Variants in ZC3H12D observed in about 807,000 individuals in gnomAD.
The protein encoded by ZC3H12D is zinc finger CCCH-type containing 12D.
In ZC3H12D, 11 loss-of-function variants were observed where a neutral mutation model predicts 24.2. The ratio of observed to expected loss-of-function variants is 0.46; its 90% CI spans 0.29 to 0.75. The LOEUF (loss-of-function observed/expected upper bound fraction) is 0.75. Among genes scored for constraint, ZC3H12D ranks in the 30% least tolerant of loss-of-function variants. The pLI is 0.11. For synonymous variants in ZC3H12D, 333 were observed against 341.8 expected (o/e 0.97, Z 0.28); for missense variants, 740 against 767.7 (o/e 0.96, Z 0.43).
intron 1 of ZC3H12D, among the ~76,000 whole-genome samples, chr6:149,475,791 G>A (rs1440517663): frequency 2.0e-5 from 3 of 151,152 alleles, no homozygotes; most frequent in Non-Finnish European, 4.4e-5. Context: ...ACCGGGGGTT[G>A]GGGGGTGGCC....
Position 149,474,293 on chromosome 6 carries a change from G to C in ZC3H12D, c.251C>G (p.Thr84Ser), listed in dbSNP as rs761167219. ...PGTALEEDFR[T>S]LASSLRPIVI... ...TATGGGTCGCAGAGAACTGGCCAGG[G>C]TTCTGAAGTCCTCTTCCAGGGCTGT... Residue 84 changes from threonine to serine, a missense_variant, in exon 2 of 6, where the codon ACC (threonine) becomes AGC (serine). Thr to Ser is a moderately conservative substitution (Grantham distance 58, BLOSUM62 1). Transcript: ENST00000409806. The C allele has an allele frequency of 6.4e-7, 1 of 1,570,804 alleles. No homozygotes were observed. Among genetic ancestry groups the C allele is most frequent in the East Asian group, 2.3e-5 (1 of 44,098 alleles).
At chr6:149,478,536 T>C (rs1776376917) in intron 1 of ZC3H12D, among the ~76,000 whole-genome samples, 1 of 152,204 alleles carries the variant, frequency 6.6e-6, no homozygotes, top group Admixed American at 6.5e-5. Flanking sequence ...TATCCAGCGA[T>C]AGATAGAATC....
chr6:149,456,637 C>CCCGGGGGGA lies in ZC3H12D; in HGVS notation c.680+28_680+29insTCCCCCCGG. ...CCCGGCCCCCCGCCCCGCCGCCCCC[C>CCCGGGGGGA]AGGGTGTCAGGACCCCAGCCGGACC... On this transcript the variant is annotated intron_variant, in intron 4 of 5. Transcript: ENST00000409806. This position sits in a 1 kb window ranked among gnomAD's most constrained non-coding sequence, Gnocchi z 4.3. 3 of 1,554,906 alleles carry CCCGGGGGGA rather than the reference C, an allele frequency of 1.9e-6. No individual in the cohort carries two copies. The highest frequency in any genetic ancestry group is 2.7e-6 in the Non-Finnish European group (3 of 1,130,046).
In ZC3H12D at chr6:149,447,190, C is replaced by A. The variant is rs237007; in HGVS notation, c.*3493G>T. The A allele has an allele frequency of 0.08, 12,157 of 152,258 alleles. 649 individuals are homozygous for A. The highest frequency in any genetic ancestry group is 0.11 in the East Asian group (581 of 5,164). The allele number at this position is 152,258 out of a possible 1,614,324, so 9.4% of individuals were successfully genotyped here. ...GCCCCTCACATCCCCCCAGGTGGAA[C>A]AACACAGAACTGCGGCTGCTGAGAC... On this transcript the variant is annotated 3_prime_UTR_variant, in exon 6 of 6. Coordinates refer to ENST00000409806, the MANE Select transcript of ZC3H12D (RefSeq NM_207360.3).
chr6:149,456,946 G>A lies in ZC3H12D; in HGVS notation c.446-46C>T. The A allele has an allele frequency of 4.5e-6, 7 of 1,560,310 alleles. No individual in the cohort carries two copies. The highest frequency in any genetic ancestry group is 6.1e-6 in the Non-Finnish European group (7 of 1,150,672). ...ACGCGGGTGAGGGCCCAAGGGCACC[G>A]CCCCTGAGAACCACCCCCAACGCGA... On this transcript the variant is annotated intron_variant, in intron 3 of 5. Coordinates refer to ENST00000409806, the MANE Select transcript of ZC3H12D (RefSeq NM_207360.3). This position sits in a 1 kb window ranked among gnomAD's most constrained non-coding sequence, Gnocchi z 4.3.
At chr6:149,457,974 GC>G (rs1776010690) in intron 3 of ZC3H12D, among the ~76,000 whole-genome samples, 1 of 151,970 alleles carries the variant, frequency 6.6e-6, no homozygotes, top group Admixed American at 6.5e-5. Flanking sequence ...AGTCCCCTCT[GC>G]CCCCTCAGTC....
At chr6:149,476,433 G>A (rs577037545) in intron 1 of ZC3H12D, among the ~76,000 whole-genome samples, 3 of 152,124 alleles carry the variant, frequency 2.0e-5, no homozygotes, top group African/African-American at 7.2e-5. Context: ...GAACCTGGGA[G>A]GCAGAGGCTG....
intron 1 of ZC3H12D, among the ~76,000 whole-genome samples, 197 bp from the exon 2 acceptor site, chr6:149,474,810 G>A (rs1776305891): frequency 6.6e-6 from 1 of 152,210 alleles, no homozygotes; most frequent in African/African-American, 2.4e-5. Flanking sequence ...TGAGCTCACT[G>A]AGGCCTTCAC....
At chr6:149,458,028 G>C (rs1287827176) in intron 3 of ZC3H12D, among the ~76,000 whole-genome samples, 11 of 145,242 alleles carry the variant, frequency 7.6e-5, no homozygotes, top group Non-Finnish European at 1.1e-4. Context: ...GACAACCCTA[G>C]TTTTAGAACT....
chr6:149,460,754 T>C (rs12190660), intron 3 of ZC3H12D, among the ~76,000 whole-genome samples: 54,975 of 151,196 alleles, frequency 0.36, 10,478 homozygotes, highest in African/African-American at 0.46. Flanking sequence ...CGCTTGAACC[T>C]GAGAGGCAGA....
At chr6:149,455,889 A>C (rs1182202432) in intron 4 of ZC3H12D, among the ~76,000 whole-genome samples, 1 of 151,596 alleles carries the variant, frequency 6.6e-6, no homozygotes, top group East Asian at 1.9e-4. Flanking sequence ...GCAATAGAGC[A>C]AGACCCTGTC....
At position 149,484,782 on chromosome 6, in the gene ZC3H12D, A is replaced by C. The variant is rs905675714; in HGVS notation, c.-71+31T>G. ...CTCAAGTCTGCGTGGTGTTGGCCACACTGACTGACAGCCAGGGGACATGCA... is the reference window on the plus strand; with the variant it reads ...CTCAAGTCTGCGTGGTGTTGGCCACCCTGACTGACAGCCAGGGGACATGCA... On this transcript the variant is annotated intron_variant, in intron 1 of 5. Coordinates refer to ENST00000409806, the MANE Select transcript of ZC3H12D (RefSeq NM_207360.3). 19 of 152,360 alleles carry C rather than the reference A, an allele frequency of 1.2e-4. 1 individual carries two copies. Among genetic ancestry groups the C allele is most frequent in the African/African-American group, 4.3e-4 (18 of 41,544 alleles). The allele number at this position is 152,360 out of a possible 1,614,324, so 9.4% of individuals were successfully genotyped here.
At position 149,451,133 on chromosome 6, in the gene ZC3H12D, C is replaced by A. The variant is rs1383864056; in HGVS notation, c.1134G>T (p.Trp378Cys). ...CTGGCACCCGGCCGCCCGCGGACAC[C>A]CAGTCGGGCCCGCCCAGTCGGGGCG... ...SLTPRLGGPD[W>C]VSAGGRVPGP... Residue 378 changes from tryptophan (W) to cysteine (C), a missense_variant, in exon 6 of 6, where the codon TGG becomes TGT. Coordinates refer to ENST00000409806, the MANE Select transcript of ZC3H12D (RefSeq NM_207360.3). 3.7e-6 allele frequency: 5 copies of A among 1,343,582 alleles called. No individual in the cohort carries two copies. Among genetic ancestry groups the A allele is most frequent in the Admixed American group, 8.1e-5 (2 of 24,568 alleles). 83.2% of individuals were successfully genotyped at this position (1,343,582 alleles called of 1,614,324 possible).
intron 3 of ZC3H12D, among the ~76,000 whole-genome samples, chr6:149,458,111 C>CTTTTTTTT (rs57317596): frequency 7.5e-5 from 6 of 80,232 alleles, no homozygotes; most frequent in Non-Finnish European, 9.5e-5. Flanking sequence ...CTTTCTTTTT[C>CTTTTTTTT]TTTTTTTTTT....
intron 3 of ZC3H12D, among the ~76,000 whole-genome samples, chr6:149,459,896 G>C (rs1183338070): frequency 7.2e-6 from 1 of 138,314 alleles, no homozygotes; most frequent in African/African-American, 3.0e-5. Flanking sequence ...CATACTAGGA[G>C]AGAAAACCCA....
At chr6:149,451,838 G>A (rs1190818972) in intron 5 of ZC3H12D, among the ~76,000 whole-genome samples, 1 of 152,252 alleles carries the variant, frequency 6.6e-6, no homozygotes, top group Non-Finnish European at 1.5e-5. Context: ...CAGGGACCCT[G>A]TGGATAGGGC....
At chr6:149,479,373 C>T (rs970119169) in intron 1 of ZC3H12D, among the ~76,000 whole-genome samples, 50 of 152,218 alleles carry the variant, frequency 3.3e-4, no homozygotes, top group South Asian at 4.1e-4. Flanking sequence ...AAAAATAAAA[C>T]TAAATTTAAA....
intron 3 of ZC3H12D, among the ~76,000 whole-genome samples, chr6:149,460,721 T>A (rs1223638163): frequency 6.6e-6 from 1 of 151,896 alleles, no homozygotes; most frequent in African/African-American, 2.4e-5. Context: ...TCCCAGCTAC[T>A]CAGGAGGCTA....
At chr6:149,474,648 C>T (rs1008233512) in intron 1 of ZC3H12D, 35 bp from the exon 2 acceptor site, 2 of 1,137,072 alleles carry the variant, frequency 1.8e-6, no homozygotes, top group Non-Finnish European at 1.2e-6. Context: ...TCAGGTGTTT[C>T]CTGGGCAGAC....
Sources: gnomAD v4.1 joint callset for allele counts (sites outside exome capture counted in the v4.1 genomes callset) on GRCh38, gnomAD v4.1.1 for gene constraint, Gnocchi (gnomAD v3.1) non-coding constraint, MANE v1.5 for transcripts, NCBI Gene and HGNC (gene_info 2026-07-23, HGNC 2026-07-21) for gene names.